CNTNAP2: variants seen among roughly 807,000 people sequenced by gnomAD.
CNTNAP2 encodes contactin-associated protein-like 2.
CNTNAP2 carries 98 observed loss-of-function variants against 155.2 expected under a neutral mutation model. The observed-to-expected ratio is 0.63, with a 90% confidence interval of 0.54 to 0.75. The LOEUF (loss-of-function observed/expected upper bound fraction) is 0.75. Ranked by LOEUF, CNTNAP2 falls within the 30% of genes least tolerant of loss-of-function variation. CNTNAP2 has a pLI of 0.00. For missense variants in CNTNAP2, 1,727 were observed against 1,688.1 expected (o/e 1.02, Z -0.40); for synonymous variants, 651 against 631.2 (o/e 1.03, Z -0.47).
intron 1 of CNTNAP2, among the ~76,000 whole-genome samples, chr7:146,761,488 C>A (rs375642083): frequency 6.6e-6 from 1 of 152,010 alleles, no homozygotes; most frequent in Non-Finnish European, 1.5e-5. Flanking sequence ...CTTTAGGCAG[C>A]GAGAACAAGT....
At chr7:148,089,589 G>A (rs1015564926) in intron 15 of CNTNAP2, among the ~76,000 whole-genome samples, 1 of 151,616 alleles carries the variant, frequency 6.6e-6, no homozygotes, top group African/African-American at 2.4e-5. Context: ...ATTTAACCAA[G>A]GAGGTAAAAG....
intron 13 of CNTNAP2, among the ~76,000 whole-genome samples, chr7:147,800,411 T>C (rs1393311241): frequency 6.6e-6 from 1 of 151,190 alleles, no homozygotes; most frequent in Non-Finnish European, 1.5e-5. Context: ...ATAAGAACCA[T>C]AAACTTAAGG....
intron 21 of CNTNAP2, among the ~76,000 whole-genome samples, chr7:148,278,945 C>T (rs1796926448): frequency 6.6e-6 from 1 of 152,142 alleles, no homozygotes; most frequent in South Asian, 2.1e-4. Context: ...AGTCCAAAGG[C>T]TGTGAGGTAG....
At chr7:147,094,717 C>T (rs1342985519) in intron 4 of CNTNAP2, among the ~76,000 whole-genome samples, 1 of 151,942 alleles carries the variant, frequency 6.6e-6, no homozygotes, top group Non-Finnish European at 1.5e-5. Context: ...CTTTGTAAGC[C>T]TTCCAGCCTC....
chr7:147,408,183 CAT>C (rs925057911), intron 10 of CNTNAP2, among the ~76,000 whole-genome samples: 14 of 152,152 alleles, frequency 9.2e-5, no homozygotes, highest in African/African-American at 2.7e-4. Flanking sequence ...CACACACACA[CAT>C]ACCCCATGGA....
intron 4 of CNTNAP2, among the ~76,000 whole-genome samples, chr7:147,076,614 T>C (rs757806761): frequency 3.3e-5 from 5 of 152,220 alleles, no homozygotes; most frequent in Non-Finnish European, 7.3e-5. Context: ...ATTTTTAATC[T>C]GCTGCATTTT....
At chr7:146,678,800 A>C (rs1800449171) in intron 1 of CNTNAP2, among the ~76,000 whole-genome samples, 2 of 152,214 alleles carry the variant, frequency 1.3e-5, no homozygotes, top group South Asian at 4.1e-4. Context: ...AAAATAGACT[A>C]TTTGAATATT....
intron 9 of CNTNAP2, among the ~76,000 whole-genome samples, chr7:147,316,891 T>C (rs2116810210): frequency 6.6e-6 from 1 of 152,300 alleles, no homozygotes; most frequent in South Asian, 2.1e-4. Flanking sequence ...GTTAATGACA[T>C]AGTCTTATTG....
intron 14 of CNTNAP2, among the ~76,000 whole-genome samples, chr7:147,948,918 A>G (rs1219377936): frequency 1.3e-5 from 2 of 152,112 alleles, no homozygotes; most frequent in African/African-American, 2.4e-5. Flanking sequence ...GAAAATCATA[A>G]TGGCCAAGCA....
chr7:147,976,707 G>A (rs1471750703), intron 14 of CNTNAP2, among the ~76,000 whole-genome samples: 4 of 152,120 alleles, frequency 2.6e-5, no homozygotes, highest in Non-Finnish European at 5.9e-5. Flanking sequence ...ACAAGTAACT[G>A]CTCCACACTG....
intron 3 of CNTNAP2, among the ~76,000 whole-genome samples, chr7:146,913,329 A>G (rs1758942130): frequency 6.6e-6 from 1 of 152,172 alleles, no homozygotes; most frequent in Admixed American, 6.5e-5. Context: ...AGGCACTGGA[A>G]TGCCAAGCTA....
intron 8 of CNTNAP2, among the ~76,000 whole-genome samples, chr7:147,151,014 C>T (rs1801814595): frequency 6.6e-6 from 1 of 152,124 alleles, no homozygotes; most frequent in Non-Finnish European, 1.5e-5. Flanking sequence ...CTAAGAGGTG[C>T]TTGATGTATT....
chr7:147,828,877 G>A (rs1047041492), intron 13 of CNTNAP2, among the ~76,000 whole-genome samples: 2 of 152,000 alleles, frequency 1.3e-5, no homozygotes, highest in Non-Finnish European at 2.9e-5. Flanking sequence ...ACCTTCAAAG[G>A]ACTTGCAATC....
chr7:146,521,867 ATACATTC>A (rs1797620924), intron 1 of CNTNAP2, among the ~76,000 whole-genome samples: 1 of 152,060 alleles, frequency 6.6e-6, no homozygotes, highest in South Asian at 2.1e-4. Context: ...AAAATCTAAA[ATACATTC>A]AAAGGCTTTA....
At chr7:147,554,176 C>G (rs1799906482) in intron 11 of CNTNAP2, among the ~76,000 whole-genome samples, 1 of 152,062 alleles carries the variant, frequency 6.6e-6, no homozygotes, top group African/African-American at 2.4e-5. Context: ...TTTCTATAAC[C>G]TAATAGTAAC....
In CNTNAP2 at chr7:148,409,470, A is replaced by C. The variant is rs1799777666; in HGVS notation, c.3795A>C (p.Gly1265=). The change falls in exon 23 of 24, where the codon GGA becomes GGC. Residue 1265 remains glycine (G), a splice_region_variant and synonymous_variant. Transcript: ENST00000361727. ...TCAACAGAAACTCGGCTATCATTGG[A>C]GGTAGGTGATGTCTAGAGGAGGCTT... The part of the protein sequence containing the change: ...NGVNRNSAII[G]GVIAVVIFTI... The C allele has an allele frequency of 6.2e-7, 1 of 1,613,564 alleles. No homozygotes were observed. The highest frequency in any genetic ancestry group is 1.7e-5 in the Admixed American group (1 of 59,986).
At chr7:148,307,811 A>G (rs990861909) in intron 21 of CNTNAP2, among the ~76,000 whole-genome samples, 3 of 152,104 alleles carry the variant, frequency 2.0e-5, no homozygotes, top group African/African-American at 4.8e-5. Context: ...TCTCTACAAA[A>G]AAAACACAAA....
chr7:148,150,334 G>T (rs1022237126), intron 17 of CNTNAP2, among the ~76,000 whole-genome samples: 1 of 151,758 alleles, frequency 6.6e-6, no homozygotes, highest in South Asian at 2.1e-4. Flanking sequence ...GGATCACGAG[G>T]TCAGGAGATC....
At chr7:148,249,280 A>G (rs953057153) in intron 20 of CNTNAP2, among the ~76,000 whole-genome samples, 1 of 152,118 alleles carries the variant, frequency 6.6e-6, no homozygotes, top group African/African-American at 2.4e-5. Flanking sequence ...CTGCTGCTCC[A>G]CTTAAAGGCA....
Sources: gnomAD v4.1 joint callset for allele counts (sites outside exome capture counted in the v4.1 genomes callset) on GRCh38, gnomAD v4.1.1 for gene constraint, MANE v1.5 for transcripts, NCBI Gene and HGNC (gene_info 2026-07-23, HGNC 2026-07-21) for gene names.